The following ZZZ3 variants were observed in gnomAD, a reference collection of about 807,000 sequenced individuals.
ZZZ3 encodes the protein ZZ-type zinc finger-containing protein 3.
A neutral mutation model predicts 95.2 loss-of-function variants in ZZZ3; 22 were observed. The observed-to-expected ratio is 0.23, with a 90% CI of 0.17 to 0.33. ZZZ3 has a LOEUF of 0.33. Ranked by LOEUF, ZZZ3 falls within the 10% of genes least tolerant of loss-of-function variation. The probability of loss-of-function intolerance (pLI) is 1.00; values close to 1 mark genes in which losing one functional copy is unlikely to be tolerated. For synonymous variants in ZZZ3, 335 were observed against 358.9 expected (o/e 0.93, Z 0.75); for missense variants, 885 against 1,066.5 (o/e 0.83, Z 2.37).
At chr1:77,674,472 G>A (rs1672075139) in intron 1 of ZZZ3, among the ~76,000 whole-genome samples, 1 of 152,182 alleles carries the variant, frequency 6.6e-6, no homozygotes. Flanking sequence ...GACCATTAAT[G>A]ACCGGAATAA....
intron 4 of ZZZ3, among the ~76,000 whole-genome samples, chr1:77,634,047 G>A (rs1668072145): frequency 6.6e-6 from 1 of 152,046 alleles, no homozygotes; most frequent in South Asian, 2.1e-4. Flanking sequence ...GCACACGCCT[G>A]TAATCCCAGA....
Position 77,579,663 on chromosome 1 carries a change from T to C in ZZZ3, c.1981-35A>G, listed in dbSNP as rs564659884. 8 of 1,211,090 alleles carry C rather than the reference T, an allele frequency of 6.6e-6. No individual in the cohort carries two copies. The Admixed American group carries it at 1.2e-4, about 18-fold the overall frequency. The allele number at this position is 1,211,090 out of a possible 1,614,324, so 75.0% of individuals were successfully genotyped here. A position where few individuals can be genotyped will look rare whatever the true frequency, so the allele number is the denominator to read the frequency against. On this transcript the variant is annotated intron_variant, in intron 9 of 14. Transcript: ENST00000370801. ...ACCCAAGACCAAATTTAAGAAAATA[T>C]GTATTTAATTTTAAATATTGGATTT...
intron 5 of ZZZ3, among the ~76,000 whole-genome samples, chr1:77,610,013 G>A (rs1665630662): frequency 6.6e-6 from 1 of 150,946 alleles, no homozygotes; most frequent in African/African-American, 2.4e-5. Flanking sequence ...AAATCATATA[G>A]ATCAGAAGTA....
chr1:77,623,881 G>GA (rs146795880), intron 5 of ZZZ3, among the ~76,000 whole-genome samples: 3,776 of 151,578 alleles, frequency 0.025, 120 homozygotes, highest in African/African-American at 0.087. Context: ...CACAGTAAAA[G>GA]AAATAAAAGT....
At chr1:77,617,487 T>C (rs1374853955) in intron 5 of ZZZ3, among the ~76,000 whole-genome samples, 2 of 152,244 alleles carry the variant, frequency 1.3e-5, no homozygotes, top group Non-Finnish European at 2.9e-5. Flanking sequence ...ACAATTCCAT[T>C]GTATTGATAT....
intron 5 of ZZZ3, among the ~76,000 whole-genome samples, chr1:77,606,329 AAC>A (rs1453412952): frequency 6.6e-6 from 1 of 152,180 alleles, no homozygotes; most frequent in Non-Finnish European, 1.5e-5. Flanking sequence ...AGGAGAATAG[AAC>A]ACCAGGTAGA....
Position 77,665,272 on chromosome 1 carries a change from T to A in ZZZ3, c.-403+17313A>T, listed in dbSNP as rs1283164927. Among the ~76,000 whole-genome samples, 4 of 152,242 alleles carry A rather than the reference T, an allele frequency of 2.6e-5. 1 individual carries two copies. In the East Asian group the frequency reaches 7.7e-4, roughly 29 times the overall value. On this transcript the variant is annotated intron_variant, in intron 1 of 14. Coordinates refer to ENST00000370801, the MANE Select transcript of ZZZ3 (RefSeq NM_015534.6). ...ACTGACAGTTCATTATGTCCATCTG[T>A]GACATGAGAAAAACCACCTAGACAA...
chr1:77,665,439 G>A (rs867898598), intron 1 of ZZZ3, among the ~76,000 whole-genome samples: 5 of 152,120 alleles, frequency 3.3e-5, no homozygotes, highest in African/African-American at 7.2e-5. Flanking sequence ...ACTGCCCAAC[G>A]TCCATGATTA....
intron 5 of ZZZ3, among the ~76,000 whole-genome samples, chr1:77,610,586 C>T (rs1461271216): frequency 2.6e-5 from 4 of 151,366 alleles, no homozygotes; most frequent in Non-Finnish European, 5.9e-5. Context: ...AAACAAAATT[C>T]AACAATACAT....
At chr1:77,639,811 C>T (rs1220515464) in intron 3 of ZZZ3, among the ~76,000 whole-genome samples, 1 of 151,030 alleles carries the variant, frequency 6.6e-6, no homozygotes, top group African/African-American at 2.4e-5. Flanking sequence ...CAAAAAGATA[C>T]TAAAATATAC....
chr1:77,572,374 T>C (rs1238511280), intron 12 of ZZZ3, among the ~76,000 whole-genome samples: 2 of 152,248 alleles, frequency 1.3e-5, no homozygotes, highest in African/African-American at 4.8e-5. Flanking sequence ...AGTCTCACTC[T>C]GTCTTCCAGG....
chr1:77,604,585 T>A (rs1243643483), intron 5 of ZZZ3, among the ~76,000 whole-genome samples: 3 of 152,160 alleles, frequency 2.0e-5, no homozygotes, highest in African/African-American at 7.2e-5. Context: ...AACTCAAGCA[T>A]CCCCTATGTT....
intron 3 of ZZZ3, chr1:77,640,995 T>C (rs2100901700): frequency 6.6e-6 from 1 of 152,292 alleles, no homozygotes; most frequent in East Asian, 1.9e-4. Context: ...CTACAGTACA[T>C]TAAGAAATGT....
intron 1 of ZZZ3, among the ~76,000 whole-genome samples, chr1:77,674,742 AG>A (rs1672102707): frequency 6.6e-6 from 1 of 152,128 alleles, no homozygotes; most frequent in African/African-American, 2.4e-5. Flanking sequence ...ACTTGAGGTC[AG>A]GAGTTCAAAA....
intron 12 of ZZZ3, 99 bp from the exon 13 acceptor site, chr1:77,568,565 C>T: frequency 1.7e-6 from 1 of 604,710 alleles, no homozygotes; most frequent in Non-Finnish European, 2.5e-6. Flanking sequence ...TGATATTTTT[C>T]ATTTTTAAAA....
chr1:77,639,336 G>A, intron 4 of ZZZ3, 113 bp downstream of exon 4: 1 of 774,640 alleles, frequency 1.3e-6, no homozygotes, highest in African/African-American at 1.8e-5. Flanking sequence ...CAAACTACAA[G>A]TTGCCACCCA....
At chr1:77,682,976 G>A (rs1231042652), upstream of ZZZ3, among the ~76,000 whole-genome samples, 1 of 152,068 alleles carries the variant, frequency 6.6e-6, no homozygotes, top group Non-Finnish European at 1.5e-5. Context: ...CGGCGTGCCC[G>A]TCACGTGGGC....
chr1:77,643,444 T>C (rs959593841), intron 1 of ZZZ3, among the ~76,000 whole-genome samples: 4 of 152,296 alleles, frequency 2.6e-5, no homozygotes, highest in Admixed American at 2.6e-4. Context: ...TTCTAGAAGT[T>C]TAAAAAACAG....
chr1:77,644,090 C>T (rs1157113089), intron 1 of ZZZ3, among the ~76,000 whole-genome samples: 5 of 149,114 alleles, frequency 3.4e-5, no homozygotes, highest in East Asian at 3.9e-4. Flanking sequence ...TTTGAGACGG[C>T]GTTTTGCTCT....
Sources: allele counts gnomAD v4.1 joint callset (sites outside exome capture counted in the v4.1 genomes callset), GRCh38; gene constraint gnomAD v4.1.1; transcripts MANE v1.5; gene names NCBI Gene and HGNC (gene_info 2026-07-23, HGNC 2026-07-21).